Variants in HHAT observed in about 807,000 individuals in gnomAD.
The protein encoded by HHAT is hedgehog acyltransferase.
Under a neutral mutation model 70.8 loss-of-function variants are expected in HHAT, and 47 were observed. That is an observed-to-expected ratio of 0.66 (90% CI 0.53 to 0.85). HHAT has a LOEUF of 0.85. HHAT is among the 40% of genes least tolerant of loss of function. HHAT has a pLI of 0.00. For missense variants in HHAT, 609 were observed against 604.8 expected (o/e 1.01, Z -0.07); for synonymous variants, 228 against 247.6 (o/e 0.92, Z 0.74).
intron 5 of HHAT, among the ~76,000 whole-genome samples, chr1:210,400,956 CAAAG>C (rs1405255325): frequency 6.6e-6 from 1 of 152,214 alleles, no homozygotes; most frequent in African/African-American, 2.4e-5. Flanking sequence ...GGGTCAGGAA[CAAAG>C]AGAGAAGAAA....
At chr1:210,588,429 CAT>C in intron 10 of HHAT, 1 of 241,130 alleles carries the variant, frequency 4.1e-6, no homozygotes, top group East Asian at 9.3e-5. Context: ...TACAAACAGA[CAT>C]ATGTATATAA....
intron 2 of HHAT, among the ~76,000 whole-genome samples, chr1:210,359,065 C>A (rs2087962505): frequency 1.3e-5 from 2 of 152,118 alleles, no homozygotes; most frequent in Non-Finnish European, 2.9e-5. Context: ...TTGTGGAGCA[C>A]TGAATTTGGG....
chr1:210,482,253 C>T (rs1488695720), intron 8 of HHAT, among the ~76,000 whole-genome samples: 1 of 152,144 alleles, frequency 6.6e-6, no homozygotes, highest in African/African-American at 2.4e-5. Flanking sequence ...TCCCAGATCA[C>T]ACATAGAGCA....
chr1:210,586,375 G>C (rs1028744150), intron 9 of HHAT, among the ~76,000 whole-genome samples: 1 of 152,186 alleles, frequency 6.6e-6, no homozygotes. Context: ...AGGAGTTTGA[G>C]GTTGTGGTAA....
At chr1:210,328,766 GC>G (rs1420228560), upstream of HHAT, 9 of 340,364 alleles carry the variant, frequency 2.6e-5, no homozygotes, top group Non-Finnish European at 4.2e-5. Flanking sequence ...GGGGCTAGGG[GC>G]CCCGGGCCGC....
intron 10 of HHAT, among the ~76,000 whole-genome samples, chr1:210,605,869 C>T (rs4460704): frequency 0.86 from 128,996 of 150,802 alleles, 57,887 homozygotes; most frequent in East Asian, 1. Context: ...TTTTTTTCCT[C>T]TTTTGAGGCA....
chr1:210,508,774 C>T (rs1020419158), intron 8 of HHAT, among the ~76,000 whole-genome samples: 3 of 152,120 alleles, frequency 2.0e-5, no homozygotes, highest in Admixed American at 6.5e-5. Flanking sequence ...AAAACTAATC[C>T]GAGTTATAGA....
At chr1:210,641,092 C>G (rs1672890679) in intron 11 of HHAT, among the ~76,000 whole-genome samples, 1 of 152,160 alleles carries the variant, frequency 6.6e-6, no homozygotes, top group Admixed American at 6.5e-5. Context: ...TTATGAGCTA[C>G]TGAATACTGT....
At chr1:210,590,673 C>G (rs996373024) in intron 10 of HHAT, 1 of 151,576 alleles carries the variant, frequency 6.6e-6, no homozygotes, top group Non-Finnish European at 1.5e-5. Flanking sequence ...TTGGATGAGG[C>G]CCGCTCACAT....
intron 9 of HHAT, among the ~76,000 whole-genome samples, chr1:210,516,038 C>G (rs192376234): frequency 6.6e-6 from 1 of 152,012 alleles, no homozygotes; most frequent in African/African-American, 2.4e-5. Flanking sequence ...CCACTATACT[C>G]CAGCCTGGGT....
chr1:210,468,099 C>T (rs2094139535), intron 8 of HHAT, among the ~76,000 whole-genome samples: 1 of 152,166 alleles, frequency 6.6e-6, no homozygotes, highest in African/African-American at 2.4e-5. Context: ...AGATTATTTA[C>T]AGATATAACA....
At chr1:210,437,050 C>G (rs1219884297) in intron 7 of HHAT, among the ~76,000 whole-genome samples, 1 of 151,748 alleles carries the variant, frequency 6.6e-6, no homozygotes, top group Non-Finnish European at 1.5e-5. Flanking sequence ...AGGTACCACT[C>G]CCTCTTCCAC....
intron 9 of HHAT, among the ~76,000 whole-genome samples, chr1:210,536,476 A>G (rs1057018804): frequency 2.0e-5 from 3 of 152,244 alleles, no homozygotes; most frequent in Non-Finnish European, 4.4e-5. Context: ...TCAGCACCAC[A>G]TTACTGCTTG....
chr1:210,446,495 G>A (rs530689280), intron 7 of HHAT, among the ~76,000 whole-genome samples: 31 of 152,330 alleles, frequency 2.0e-4, no homozygotes, highest in Non-Finnish European at 3.7e-4. Flanking sequence ...TGTTTCTGCA[G>A]TTGTGTGCTG....
chr1:210,606,549 T>C (rs756922693), intron 10 of HHAT, among the ~76,000 whole-genome samples: 33 of 152,204 alleles, frequency 2.2e-4, no homozygotes, highest in Non-Finnish European at 4.0e-4. Flanking sequence ...TCCATCCTCT[T>C]TTCCTACCTG....
chr1:210,389,001 C>T (rs1029450105), intron 4 of HHAT, among the ~76,000 whole-genome samples: 1 of 152,074 alleles, frequency 6.6e-6, no homozygotes, highest in Non-Finnish European at 1.5e-5. Flanking sequence ...GTCCTTGGTT[C>T]GATTAGCTTT....
rs187413716 is a variant in HHAT, at chr1:210,342,314, T to C, written c.-43-6619T>C. ...AATAAAATTTAAACATGAAATCGTA[T>C]GTTTTAAGACTCCTTACCACTTGGC... On this transcript the variant is annotated intron_variant, in intron 1 of 11. Coordinates refer to ENST00000261458, the MANE Select transcript of HHAT (RefSeq NM_018194.6). Among the ~76,000 whole-genome samples the C allele has an allele frequency of 7.2e-5, 11 of 152,336 alleles. No individual in the cohort carries two copies. The East Asian group carries it at 2.1e-3, about 29-fold the overall frequency.
At chr1:210,383,280 C>G (rs1490807277) in intron 3 of HHAT, among the ~76,000 whole-genome samples, 3 of 152,294 alleles carry the variant, frequency 2.0e-5, no homozygotes, top group South Asian at 2.1e-4. Flanking sequence ...GCAGAGATTG[C>G]AGTGAGCCGA....
intron 10 of HHAT, among the ~76,000 whole-genome samples, chr1:210,594,444 C>G (rs1175770622): frequency 6.6e-6 from 1 of 152,102 alleles, no homozygotes; most frequent in Admixed American, 6.6e-5. Context: ...AATAAAAACT[C>G]TACACTTTAA....
Sources: allele counts gnomAD v4.1 joint callset (sites outside exome capture counted in the v4.1 genomes callset), GRCh38; gene constraint gnomAD v4.1.1; transcripts MANE v1.5; gene names NCBI Gene and HGNC (gene_info 2026-07-23, HGNC 2026-07-21).